The following ANGPTL5 variants were observed in gnomAD, a reference collection of about 807,000 sequenced individuals.
The protein encoded by ANGPTL5 is angiopoietin like 5.
ANGPTL5 carries 34 observed loss-of-function variants against 39.4 expected under a neutral mutation model. That is an observed-to-expected ratio of 0.86 (90% CI 0.66 to 1.15). The LOEUF is 1.15. ANGPTL5 is among the 50% of genes most tolerant of loss of function. The pLI is 0.00. For missense variants in ANGPTL5, 467 were observed against 457.5 expected (o/e 1.02, Z -0.19); for synonymous variants, 146 against 152.1 (o/e 0.96, Z 0.29).
At chr11:101,894,583 A>T (rs1363563279) in intron 8 of ANGPTL5, among the ~76,000 whole-genome samples, 1 of 152,192 alleles carries the variant, frequency 6.6e-6, no homozygotes, top group Non-Finnish European at 1.5e-5. Context: ...CTCTCTGAAC[A>T]TGAAAATGAA....
In ANGPTL5 at chr11:101,894,916, A is replaced by G. The variant is rs771185921; in HGVS notation, c.810T>C (p.Phe270=). The G allele has an allele frequency of 5.6e-6, 9 of 1,613,566 alleles. No homozygotes were observed. Among genetic ancestry groups the G allele is most frequent in the Non-Finnish European group, 7.6e-6 (9 of 1,179,674 alleles). ...DNFWLEDETR[F]FKMHLGRYSG... Reference sequence around the variant, plus strand: ...AATACCGTCCTAAGTGCATTTTAAAAAATCTCGTTTCATCCTCTAGCCAAA... The same window carrying G: ...AATACCGTCCTAAGTGCATTTTAAAGAATCTCGTTTCATCCTCTAGCCAAA... The change falls in exon 8 of 9, where the codon TTT becomes TTC. Residue 270 remains phenylalanine, a synonymous_variant. Transcript: ENST00000334289.
At chr11:101,895,193 G>T in intron 7 of ANGPTL5, 129 bp from the exon 8 acceptor site, 1 of 746,826 alleles carries the variant, frequency 1.3e-6, no homozygotes. Context: ...TAAAGGCACT[G>T]GATGACCTAG....
At chr11:101,908,325 C>T (rs1203084753) in intron 1 of ANGPTL5, among the ~76,000 whole-genome samples, 5 of 152,004 alleles carry the variant, frequency 3.3e-5, no homozygotes, top group African/African-American at 1.2e-4. Flanking sequence ...AGCTATACAT[C>T]AATAATTGCA....
chr11:101,907,005 A>G, intron 3 of ANGPTL5, 98 bp downstream of exon 3: 6 of 950,530 alleles, frequency 6.3e-6, no homozygotes, highest in Non-Finnish European at 9.3e-6. Flanking sequence ...GGATGTATAG[A>G]AAATGACCCA....
intron 6 of ANGPTL5, among the ~76,000 whole-genome samples, chr11:101,902,204 A>T (rs918671744): frequency 1.3e-5 from 2 of 152,148 alleles, no homozygotes; most frequent in Non-Finnish European, 2.9e-5. Context: ...ATATACAGGA[A>T]GGGAAGTCAA....
rs1377792146 is a variant in ANGPTL5 at position 101,916,288 on chromosome 11, A to T, written c.-362T>A. ...AGGATGTTCTTTGTACTCTGTTACA[A>T]TTTTAGCAGCAAGTCAACAATTTGT... On this transcript the variant is annotated 5_prime_UTR_variant, in exon 1 of 9. In the 5' UTR this introduces an upstream ATG that the reference lacks. Transcript: ENST00000334289. 1.3e-5 allele frequency: 2 copies of T among 152,198 alleles called. No homozygotes were observed. The highest frequency in any genetic ancestry group is 2.9e-5 in the Non-Finnish European group (2 of 68,034). 9.4% of individuals were successfully genotyped at this position (152,198 alleles called of 1,614,324 possible). A position where few individuals can be genotyped will look rare whatever the true frequency, so the allele number is the denominator to read the frequency against.
rs923214842 is a variant in ANGPTL5, at chr11:101,907,853, A to T, written c.57T>A (p.Cys19Ter). 2 of 1,610,746 alleles carry T rather than the reference A, an allele frequency of 1.2e-6. No homozygotes were observed. Among genetic ancestry groups the T allele is most frequent in the African/African-American group, 2.7e-5 (2 of 74,848 alleles). ...CACAGTTACCTTGTACAGCTTCTCC[A>T]CAAATAAAAATACATACATTTAAGA... ...LLFLNVCIFI[C>*]GEAVQGNCVH... Residue 19 changes from cysteine to a stop codon, truncating the protein, a stop_gained, in exon 2 of 9, where the codon TGT becomes TGA. Transcript: ENST00000334289. LOFTEE classifies it high-confidence loss of function.
chr11:101,907,069 T>G (rs1940008839), intron 3 of ANGPTL5, 34 bp downstream of exon 3: 5 of 1,439,402 alleles, frequency 3.5e-6, no homozygotes, highest in South Asian at 2.4e-5. Flanking sequence ...ATGAATCATA[T>G]ACTCTTATTA....
chr11:101,907,920 G>A lies in ANGPTL5; in HGVS notation c.-11C>T, dbSNP rs1294025974. The A allele has an allele frequency of 1.3e-6, 2 of 1,554,182 alleles. No individual in the cohort carries two copies. The highest frequency in any genetic ancestry group is 8.9e-7 in the Non-Finnish European group (1 of 1,126,492). On this transcript the variant is annotated 5_prime_UTR_variant, in exon 2 of 9. Coordinates refer to ENST00000334289, the MANE Select transcript of ANGPTL5 (RefSeq NM_178127.5). ...GGATGGAGACATCATATTTTTCTTG[G>A]ATAGATGAAAACACTTCTTCAAATA... is the stretch of plus-strand genomic sequence containing the variant.
rs1940214539 is a variant in ANGPTL5 at position 101,916,412 on chromosome 11, ATC to A, written c.-488_-487del. 1 of 152,202 alleles carries A rather than the reference ATC, an allele frequency of 6.6e-6. No individual in the cohort carries two copies. The highest frequency in any genetic ancestry group is 2.1e-4 in the South Asian group (1 of 4,836). 9.4% of individuals were successfully genotyped at this position (152,202 alleles called of 1,614,324 possible). A position where few individuals can be genotyped will look rare whatever the true frequency, so the allele number is the denominator to read the frequency against. On this transcript the variant is annotated 5_prime_UTR_variant, in exon 1 of 9. An upstream open reading frame in the 5' UTR loses its in-frame stop. Coordinates refer to ENST00000334289, the MANE Select transcript of ANGPTL5 (RefSeq NM_178127.5). ...TATAGAGCTTCACTAAAAGTAAAAT[ATC>A]TCTTCTCCGATCATGCTTTCTGCAA... is the stretch of plus-strand genomic sequence containing the variant.
intron 7 of ANGPTL5, among the ~76,000 whole-genome samples, chr11:101,898,831 T>C (rs1046305017): frequency 6.6e-6 from 1 of 152,184 alleles, no homozygotes; most frequent in Non-Finnish European, 1.5e-5. Flanking sequence ...CAATACCTAG[T>C]TTATTGAGAG....
At chr11:101,905,324 A>T (rs1040594392) in intron 4 of ANGPTL5, among the ~76,000 whole-genome samples, 1 of 152,080 alleles carries the variant, frequency 6.6e-6, no homozygotes, top group Non-Finnish European at 1.5e-5. Flanking sequence ...AGTTTTCCTT[A>T]AATACTCAAC....
At chr11:101,893,970 G>A (rs1350865222) in intron 8 of ANGPTL5, among the ~76,000 whole-genome samples, 3 of 152,056 alleles carry the variant, frequency 2.0e-5, no homozygotes, top group African/African-American at 7.2e-5. Context: ...ATATCCATCT[G>A]GCTTAAAATA....
At chr11:101,911,034 A>G (rs984033388) in intron 1 of ANGPTL5, among the ~76,000 whole-genome samples, 2 of 146,848 alleles carry the variant, frequency 1.4e-5, no homozygotes, top group South Asian at 4.3e-4. Context: ...TACCTCTACA[A>G]TCTCATATGT....
chr11:101,899,667 G>C (rs1417425699), intron 7 of ANGPTL5, among the ~76,000 whole-genome samples: 1 of 152,178 alleles, frequency 6.6e-6, no homozygotes, highest in Non-Finnish European at 1.5e-5. Context: ...AAGCCAAATT[G>C]CTTCTAAAAT....
rs1241028574 is a variant in ANGPTL5, at chr11:101,900,540, TCA to T, written c.549_550del (p.Cys183Ter). The T allele has an allele frequency of 6.2e-7, 1 of 1,610,732 alleles. No individual in the cohort carries two copies. The highest frequency in any genetic ancestry group is 8.5e-7 in the Non-Finnish European group (1 of 1,177,186). ...CCGTCCACCTCCTCTGTAATCCATG[TCA>T]CACATTACCTAAAATAAGCACAGAG... On this transcript the variant is annotated stop_gained and frameshift_variant, in exon 7 of 9. Coordinates refer to ENST00000334289, the MANE Select transcript of ANGPTL5 (RefSeq NM_178127.5). LOFTEE classifies it high-confidence loss of function.
intron 1 of ANGPTL5, among the ~76,000 whole-genome samples, chr11:101,908,783 A>C (rs1296799807): frequency 6.6e-6 from 1 of 150,782 alleles, no homozygotes; most frequent in Non-Finnish European, 1.5e-5. Flanking sequence ...TCCATCTCAA[A>C]AAAAAAAAAA....
In ANGPTL5 at chr11:101,891,218, A is replaced by C; in HGVS notation, c.*61T>G. ...GTTTGAAACACTAAGTGAAAAGATAAACTTTTAAAAATCTTTAATATATTA... is the reference window on the plus strand; with the variant it reads ...GTTTGAAACACTAAGTGAAAAGATACACTTTTAAAAATCTTTAATATATTA... On this transcript the variant is annotated 3_prime_UTR_variant, in exon 9 of 9. Transcript: ENST00000334289. 3.4e-6 allele frequency: 5 copies of C among 1,461,232 alleles called. No homozygotes were observed. Among genetic ancestry groups the C allele is most frequent in the Non-Finnish European group, 4.7e-6 (5 of 1,074,654 alleles). The allele number at this position is 1,461,232 out of a possible 1,614,324, so 90.5% of individuals were successfully genotyped here. A position where few individuals can be genotyped will look rare whatever the true frequency, so the allele number is the denominator to read the frequency against.
In ANGPTL5 at chr11:101,904,745, C is replaced by T. The variant is rs1021591965; in HGVS notation, c.439+69G>A. On this transcript the variant is annotated intron_variant, in intron 5 of 8. Transcript: ENST00000334289. ...TTTTAAATAAAACTTTTAAATGGATCGACCTGTCCAGGAAAATTTTAAGCA... is the reference window on the plus strand; with the variant it reads ...TTTTAAATAAAACTTTTAAATGGATTGACCTGTCCAGGAAAATTTTAAGCA... The T allele has an allele frequency of 6.6e-6, 9 of 1,353,406 alleles. No homozygotes were observed. The African/African-American group carries it at 8.6e-5, about 13-fold the overall frequency. 83.8% of individuals were successfully genotyped at this position (1,353,406 alleles called of 1,614,324 possible).
Sources: gnomAD v4.1 joint callset for allele counts (sites outside exome capture counted in the v4.1 genomes callset) on GRCh38, gnomAD v4.1.1 for gene constraint, MANE v1.5 for transcripts, NCBI Gene and HGNC (gene_info 2026-07-23, HGNC 2026-07-21) for gene names.